The following FGB variants were observed in gnomAD, a reference collection of about 807,000 sequenced individuals.
FGB encodes the protein beta-fibrinogen.
In FGB, 25 loss-of-function variants were observed where a neutral mutation model predicts 57.9. That is an observed-to-expected ratio of 0.43 (90% confidence interval 0.31 to 0.60). FGB has a LOEUF of 0.60. Among genes scored for constraint, FGB ranks in the 20% least tolerant of loss-of-function variants. The pLI is 0.08. For missense variants in FGB, 536 were observed against 598.4 expected, an observed-to-expected ratio of 0.90 and a Z score of 1.09; for synonymous variants, 203 against 199.2, an observed-to-expected ratio of 1.02 and a Z score of -0.16.
Position 154,572,542 on chromosome 4 carries a change from G to A in FGB, c.*1892G>A, listed in dbSNP as rs765456260. ...TTCCTTGCACATCCTGAGTTCCAAC[G>A]GACAGGCAGGGAGTTCAAGTGTCCT... On this transcript the variant is annotated 3_prime_UTR_variant, in exon 8 of 8. Transcript: ENST00000302068. 6.6e-6 allele frequency among the ~76,000 whole-genome samples: 1 copy of A among 152,122 alleles called. No individual in the cohort carries two copies. Among genetic ancestry groups the A allele is most frequent in the Non-Finnish European group, 1.5e-5 (1 of 68,018 alleles).
intron 5 of FGB, among the ~76,000 whole-genome samples, chr4:154,568,731 G>A (rs1166451021): frequency 6.7e-6 from 1 of 148,318 alleles, no homozygotes; most frequent in African/African-American, 2.5e-5. Flanking sequence ...TGTGTTGGTA[G>A]TATGTGCCTG....
Position 154,570,640 on chromosome 4 carries a change from C to T in FGB, c.1466C>T (p.Pro489Leu). The change falls in exon 8 of 8, where the codon CCA (proline) becomes CTA (leucine). Residue 489 changes from proline to leucine, a missense_variant. Pro to Leu is a moderately conservative substitution (Grantham distance 98). Coordinates refer to ENST00000302068, the MANE Select transcript of FGB (RefSeq NM_005141.5). ...KMSMKIRPFF[P>L]QQ is the part of the protein sequence containing the mutation. ...AGTATGAAGATCAGGCCCTTCTTCC[C>T]ACAGCAATAGTCCCCAATACGTAGA... 6.2e-7 allele frequency: 1 copy of T among 1,612,694 alleles called. No individual in the cohort carries two copies. Among genetic ancestry groups the T allele is most frequent in the Non-Finnish European group, 8.5e-7 (1 of 1,178,794 alleles).
chr4:154,569,822 C>T, intron 7 of FGB, 23 bp downstream of exon 7: 2 of 1,613,636 alleles, frequency 1.2e-6, no homozygotes, highest in Non-Finnish European at 8.5e-7. Flanking sequence ...CTCTTTGCTC[C>T]TGCTTTAAAA....
Position 154,569,681 on chromosome 4 carries a change from A to G in FGB, c.1126A>G (p.Arg376Gly), listed in dbSNP as rs1466035381. 2 of 1,614,170 alleles carry G rather than the reference A, an allele frequency of 1.2e-6. No individual in the cohort carries two copies. Among genetic ancestry groups the G allele is most frequent in the South Asian group, 1.1e-5 (1 of 91,090 alleles). ...NKYQISVNKY[R>G]GTAGNALMDG... ...ATACCAGATCTCAGTGAACAAATAC[A>G]GAGGAACAGCCGGTAATGCCCTCAT... is the stretch of plus-strand genomic sequence containing the variant. The change falls in exon 7 of 8, where the codon AGA becomes GGA. Residue 376 changes from arginine (R) to glycine (G), a missense_variant. Around this residue, in one of 3 missense-constraint regions of FGB, gnomAD observed 177 missense variants for 193.7 expected, o/e 0.91. Coordinates refer to ENST00000302068, the MANE Select transcript of FGB (RefSeq NM_005141.5).
At position 154,564,773 on chromosome 4, in the gene FGB, G is replaced by A. The variant is rs575415396; in HGVS notation, c.115-1035G>A. On this transcript the variant is annotated intron_variant, in intron 1 of 7. Coordinates refer to ENST00000302068, the MANE Select transcript of FGB (RefSeq NM_005141.5). ...TATAGCTACTGACAAAAAAAAAAATGAGAATGTAGTTAATCCAAATCAAAA... is the reference window on the plus strand; with the variant it reads ...TATAGCTACTGACAAAAAAAAAAATAAGAATGTAGTTAATCCAAATCAAAA... Among the ~76,000 whole-genome samples, 14 of 150,452 alleles carry A rather than the reference G, an allele frequency of 9.3e-5. No homozygotes were observed. The East Asian group carries it at 1.8e-3, about 19-fold the overall frequency.
In FGB at chr4:154,568,464, G is replaced by T; in HGVS notation, c.802G>T (p.Val268Leu). Residue 268 changes from valine to leucine, a missense_variant, in exon 5 of 8, where the codon GTA (valine) becomes TTA (leucine). Physicochemically the swap from Val to Leu is conservative, Grantham distance 32. Around this residue, in one of 3 missense-constraint regions of FGB, gnomAD observed 354 missense variants for 383.4 expected, o/e 0.92. Coordinates refer to ENST00000302068, the MANE Select transcript of FGB (RefSeq NM_005141.5). Reference protein sequence around the residue: ...QPDSSVKPYRVYCDMNTENGG... With the variant: ...QPDSSVKPYRLYCDMNTENGG... ...TGACAGTTCTGTCAAACCGTATAGA[G>T]TATACTGTGACATGAATACAGAAAA... is the stretch of plus-strand genomic sequence containing the variant. The T allele has an allele frequency of 1.3e-6, 2 of 1,589,496 alleles. No homozygotes were observed. Among genetic ancestry groups the T allele is most frequent in the Non-Finnish European group, 1.7e-6 (2 of 1,157,608 alleles).
At chr4:154,569,378 T>C (rs368030761) in intron 6 of FGB, 71 bp downstream of exon 6, 5 of 1,603,714 alleles carry the variant, frequency 3.1e-6, no homozygotes, top group African/African-American at 2.7e-5. Context: ...AAAACATTCA[T>C]TGTTGGAAGC....
intron 5 of FGB, 85 bp from the exon 6 acceptor site, chr4:154,569,097 T>A (rs1360047634): frequency 7.1e-7 from 1 of 1,404,998 alleles, no homozygotes; most frequent in African/African-American, 1.4e-5. Flanking sequence ...CTAAATGGAA[T>A]GGACAGGGGA....
At chr4:154,566,294 T>C (rs1730156926) in intron 2 of FGB, among the ~76,000 whole-genome samples, 195 bp from the exon 3 acceptor site, 1 of 152,194 alleles carries the variant, frequency 6.6e-6, no homozygotes, top group Non-Finnish European at 1.5e-5. Flanking sequence ...CCAATTATAT[T>C]TTTTCTGGGG....
At position 154,571,957 on chromosome 4, in the gene FGB, T is replaced by C. The variant is rs1690240980; in HGVS notation, c.*1307T>C. Among the ~76,000 whole-genome samples, 2 of 152,214 alleles carry C rather than the reference T, an allele frequency of 1.3e-5. No homozygotes were observed. On this transcript the variant is annotated 3_prime_UTR_variant, in exon 8 of 8. Coordinates refer to ENST00000302068, the MANE Select transcript of FGB (RefSeq NM_005141.5). The stretch of plus-strand genomic sequence containing the variant: ...TTTAATTACTCACCAAATCCAACTT[T>C]AACTTTTGACCTGGTTTCTCTGCCA...
chr4:154,568,856 CA>C (rs35554458), intron 5 of FGB, among the ~76,000 whole-genome samples: 28 of 145,170 alleles, frequency 1.9e-4, no homozygotes, highest in South Asian at 4.4e-4. Flanking sequence ...GATCCTGTCT[CA>C]AAAAAAAAAA....
chr4:154,564,687 T>G (rs1730081726), intron 1 of FGB, among the ~76,000 whole-genome samples: 1 of 152,108 alleles, frequency 6.6e-6, no homozygotes, highest in African/African-American at 2.4e-5. Flanking sequence ...GAGAGCTCAG[T>G]TGTTGCTCAG....
At position 154,567,840 on chromosome 4, in the gene FGB, A is replaced by G. The variant is rs563142655; in HGVS notation, c.718+20A>G. On this transcript the variant is annotated intron_variant, in intron 4 of 7. Transcript: ENST00000302068. ...GCAAAGGTAACTGATTCATAAACAT[A>G]TTTTTAGAGAGTTCCAGAAGAACTC... The G allele has an allele frequency of 3.2e-6, 5 of 1,550,002 alleles. No individual in the cohort carries two copies. In the African/African-American group the frequency reaches 5.4e-5, roughly 17 times the overall value.
intron 3 of FGB, 68 bp downstream of exon 3, chr4:154,566,740 A>C: frequency 7.0e-7 from 1 of 1,419,406 alleles, no homozygotes; most frequent in South Asian, 1.2e-5. Flanking sequence ...TGCCACGAGA[A>C]TGCATGGTTG....
At chr4:154,570,283 GTGTGACT>G (rs1730363263) in intron 7 of FGB, 129 bp from the exon 8 acceptor site, 2 of 723,232 alleles carry the variant, frequency 2.8e-6, no homozygotes, top group South Asian at 1.6e-5. Flanking sequence ...TGGTGTATTA[GTGTGACT>G]CTATGTATAG....
Position 154,569,738 on chromosome 4 carries a change from A to G in FGB, c.1183A>G (p.Arg395Gly), listed in dbSNP as rs569380660. The G allele has an allele frequency of 5.0e-6, 8 of 1,614,208 alleles. No individual in the cohort carries two copies. Among genetic ancestry groups the G allele is most frequent in the African/African-American group, 1.3e-5 (1 of 75,070 alleles). The change falls in exon 7 of 8, where the codon AGG becomes GGG. Residue 395 changes from arginine (R) to glycine (G), a missense_variant. By Grantham distance (125) the Arg-to-Gly change is moderately radical. Coordinates refer to ENST00000302068, the MANE Select transcript of FGB (RefSeq NM_005141.5). ...DGASQLMGEN[R>G]TMTIHNGMFF... is the part of the protein sequence containing the mutation. ...AGCATCTCAGCTGATGGGAGAAAAC[A>G]GGACCATGACCATTCACAACGGCAT...
At chr4:154,566,234 C>T (rs1395136554) in intron 2 of FGB, among the ~76,000 whole-genome samples, 1 of 152,176 alleles carries the variant, frequency 6.6e-6, no homozygotes. Context: ...TGCCACCTTT[C>T]CATTTGTATT....
intron 6 of FGB, 46 bp downstream of exon 6, chr4:154,569,353 AT>A (rs748975142): frequency 4.3e-6 from 7 of 1,611,526 alleles, no homozygotes; most frequent in East Asian, 2.2e-5. Flanking sequence ...TTGAAATGGG[AT>A]TTTTTTTAAT....
At chr4:154,570,276 T>C in intron 7 of FGB, 143 bp from the exon 8 acceptor site, 1 of 704,650 alleles carries the variant, frequency 1.4e-6, no homozygotes, top group Non-Finnish European at 2.6e-6. Flanking sequence ...AGGTCTTTGG[T>C]GTATTAGTGT....
Sources: allele counts gnomAD v4.1 joint callset (sites outside exome capture counted in the v4.1 genomes callset), GRCh38; gene constraint gnomAD v4.1.1; regional missense constraint gnomAD v4.1.1; transcripts MANE v1.5; gene names NCBI Gene and HGNC (gene_info 2026-07-23, HGNC 2026-07-21).